MBD5: variants seen among roughly 807,000 people sequenced by gnomAD.
The protein encoded by MBD5 is methyl-CpG-binding domain protein 5.
In MBD5, 13 loss-of-function variants were observed where a neutral mutation model predicts 117.3. The observed-to-expected ratio is 0.11, with a 90% CI of 0.07 to 0.18. The LOEUF (loss-of-function observed/expected upper bound fraction) is 0.18. Among genes scored for constraint, MBD5 ranks in the 10% least tolerant of loss-of-function variants. MBD5 has a pLI of 1.00. For synonymous variants in MBD5, 727 were observed against 766.4 expected, an observed-to-expected ratio of 0.95 and a Z score of 0.85; for missense variants, 1,879 against 2,093.8, an observed-to-expected ratio of 0.90 and a Z score of 2.00.
At chr2:148,182,783 G>C (rs1698560234) in intron 2 of MBD5, among the ~76,000 whole-genome samples, 2 of 152,126 alleles carry the variant, frequency 1.3e-5, no homozygotes, top group African/African-American at 4.8e-5. Flanking sequence ...GTATACCTCA[G>C]ACTGAGTTTC....
At chr2:148,300,471 CAA>C (rs1036612762) in intron 3 of MBD5, among the ~76,000 whole-genome samples, 2 of 151,058 alleles carry the variant, frequency 1.3e-5, no homozygotes, top group African/African-American at 4.9e-5. Flanking sequence ...CTTTGCTTGA[CAA>C]AGTCTTGCTT....
chr2:148,150,207 C>T (rs1279825450), intron 1 of MBD5, among the ~76,000 whole-genome samples: 1 of 147,956 alleles, frequency 6.8e-6, no homozygotes, highest in African/African-American at 2.5e-5. Flanking sequence ...AATCCTTTCC[C>T]CATTGCTTGT....
intron 3 of MBD5, among the ~76,000 whole-genome samples, chr2:148,323,228 C>G (rs1235749325): frequency 2.0e-5 from 3 of 152,114 alleles, no homozygotes; most frequent in Admixed American, 2.0e-4. Flanking sequence ...GCCACATTTT[C>G]TTAATCCAGA....
Position 148,407,408 on chromosome 2 carries a change from G to A in MBD5, c.-556-50795G>A, listed in dbSNP as rs1480093611. ...TGTCTGTGTGTCTGTATGTATTTAT[G>A]TATCCTTGAAGTAGATTGATGCTGC... is the stretch of plus-strand genomic sequence containing the variant. On this transcript the variant is annotated intron_variant, in intron 4 of 13. Coordinates refer to ENST00000642680, the MANE Select transcript of MBD5 (RefSeq NM_001378120.1). Among the ~76,000 whole-genome samples the A allele has an allele frequency of 2.6e-5, 4 of 151,638 alleles. No individual in the cohort carries two copies. The South Asian group carries it at 6.2e-4, about 24-fold the overall frequency.
At chr2:148,064,609 GCCTATT>G (rs1014663901) in intron 1 of MBD5, among the ~76,000 whole-genome samples, 1 of 152,044 alleles carries the variant, frequency 6.6e-6, no homozygotes, top group Non-Finnish European at 1.5e-5. Context: ...CCCCAACCCT[GCCTATT>G]CCCAGCTATT....
chr2:148,051,843 G>C (rs143307484), intron 1 of MBD5, among the ~76,000 whole-genome samples: 2,193 of 151,952 alleles, frequency 0.014, 28 homozygotes, highest in South Asian at 0.026. Flanking sequence ...TTTGGCTTTT[G>C]TGTCAAGATA....
chr2:148,488,263 T>C (rs1222998785), intron 10 of MBD5, among the ~76,000 whole-genome samples: 1 of 152,214 alleles, frequency 6.6e-6, no homozygotes, highest in Non-Finnish European at 1.5e-5. Context: ...TTACGTAAGA[T>C]CATCTACTAA....
At chr2:148,067,135 G>C (rs1695221357) in intron 1 of MBD5, among the ~76,000 whole-genome samples, 1 of 152,184 alleles carries the variant, frequency 6.6e-6, no homozygotes, top group East Asian at 1.9e-4. Context: ...TTTTGGTTAT[G>C]TAGGTAATAG....
At chr2:148,407,817 T>G (rs552260264) in intron 4 of MBD5, among the ~76,000 whole-genome samples, 1 of 152,298 alleles carries the variant, frequency 6.6e-6, no homozygotes, top group South Asian at 2.1e-4. Context: ...GTGTAAAAAT[T>G]CATAGTTACT....
rs1702043976 is a variant in MBD5, at chr2:148,312,022, A to C, written c.-679-30192A>C. The stretch of plus-strand genomic sequence containing the variant: ...AGGATTTCTGCAGAGACAGCTGCTG[A>C]TAATCTGATGGGATTCCCTTTGTGG... On this transcript the variant is annotated intron_variant, in intron 3 of 13. Coordinates refer to ENST00000642680, the MANE Select transcript of MBD5 (RefSeq NM_001378120.1). Among the ~76,000 whole-genome samples the C allele has an allele frequency of 2.6e-5, 4 of 152,172 alleles. No individual in the cohort carries two copies. In the South Asian group the frequency reaches 8.3e-4, roughly 32 times the overall value.
At chr2:148,248,905 T>A (rs1700404794) in intron 3 of MBD5, among the ~76,000 whole-genome samples, 1 of 152,018 alleles carries the variant, frequency 6.6e-6, no homozygotes, top group Non-Finnish European at 1.5e-5. Context: ...AAAATTAGGA[T>A]AAGGGTTGAC....
intron 1 of MBD5, among the ~76,000 whole-genome samples, chr2:148,043,904 A>G (rs1014472061): frequency 6.6e-6 from 1 of 152,262 alleles, no homozygotes; most frequent in Non-Finnish European, 1.5e-5. Flanking sequence ...TAAGTGTTTA[A>G]TACATCAGAC....
At chr2:148,056,234 G>C (rs141502950) in intron 1 of MBD5, 1 of 152,120 alleles carries the variant, frequency 6.6e-6, no homozygotes, top group African/African-American at 2.4e-5. Context: ...TTTTAAATCT[G>C]ATAACATATT....
At chr2:148,472,095 A>G (rs773387562) in intron 8 of MBD5, 3 of 152,046 alleles carry the variant, frequency 2.0e-5, no homozygotes, top group Non-Finnish European at 2.9e-5. Context: ...TCATTGATGT[A>G]TTTCAATTCA....
intron 3 of MBD5, among the ~76,000 whole-genome samples, chr2:148,259,267 G>A (rs1700674707): frequency 6.6e-6 from 1 of 152,148 alleles, no homozygotes; most frequent in African/African-American, 2.4e-5. Context: ...ATCCCTCAGA[G>A]ACTGGAAGTG....
chr2:148,444,322 T>A (rs2105423101), intron 4 of MBD5, among the ~76,000 whole-genome samples: 1 of 151,454 alleles, frequency 6.6e-6, no homozygotes, highest in East Asian at 1.9e-4. Flanking sequence ...TATTCCTTTC[T>A]TATTAAAGCA....
chr2:148,370,533 G>A (rs1703821301), intron 4 of MBD5, among the ~76,000 whole-genome samples: 1 of 152,048 alleles, frequency 6.6e-6, no homozygotes, highest in Non-Finnish European at 1.5e-5. Flanking sequence ...GTCTCACTCA[G>A]GCTGGAGTGC....
intron 1 of MBD5, among the ~76,000 whole-genome samples, chr2:148,104,637 C>T (rs1696321346): frequency 6.6e-6 from 1 of 151,996 alleles, no homozygotes. Flanking sequence ...AATTTTCTTC[C>T]CAAAGAATGT....
chr2:148,513,272 T>C lies in MBD5; in HGVS notation c.*331T>C. On this transcript the variant is annotated 3_prime_UTR_variant, in exon 14 of 14. Transcript: ENST00000642680. ...AATTTTCAATGTTGTATATAGAAAA[T>C]ACAGAATTTCATGGTGATATCAGAA... 3.2e-6 allele frequency: 1 copy of C among 312,668 alleles called. No individual in the cohort carries two copies. Among genetic ancestry groups the C allele is most frequent in the Non-Finnish European group, 6.1e-6 (1 of 165,042 alleles). 19.4% of individuals were successfully genotyped at this position (312,668 alleles called of 1,614,324 possible).
Sources: gnomAD v4.1 joint callset for allele counts (sites outside exome capture counted in the v4.1 genomes callset) on GRCh38, gnomAD v4.1.1 for gene constraint, MANE v1.5 for transcripts, NCBI Gene and HGNC (gene_info 2026-07-23, HGNC 2026-07-21) for gene names.